NLGN4X: variants seen among roughly 807,000 people sequenced by gnomAD.
NLGN4X encodes the protein neuroligin-4, X-linked.
In NLGN4X, 3 loss-of-function variants were observed where a neutral mutation model predicts 40.3. The ratio of observed to expected loss-of-function variants is 0.07; its 90% CI spans 0.03 to 0.19. The LOEUF is 0.19. Among genes scored for constraint, NLGN4X ranks in the 10% least tolerant of loss-of-function variants. The pLI is 1.00. For missense variants in NLGN4X, 382 were observed against 708.3 expected (o/e 0.54, Z 5.23); for synonymous variants, 270 against 306.8 (o/e 0.88, Z 1.25).
intron 1 of NLGN4X, among the ~76,000 whole-genome samples, chrX:6,210,392 T>G (rs965260722): frequency 1.2e-4 from 13 of 110,477 alleles, no homozygotes; most frequent in African/African-American, 4.3e-4. Flanking sequence ...GAAGATTGCT[T>G]GAGCCCAGAA....
intron 2 of NLGN4X, among the ~76,000 whole-genome samples, chrX:6,047,064 T>C (rs1050832592): frequency 9.1e-6 from 1 of 109,950 alleles, no homozygotes; most frequent in Non-Finnish European, 1.9e-5. Context: ...TGTGTACACA[T>C]ATATACATAT....
chrX:6,214,310 A>C (rs994614378), intron 1 of NLGN4X, among the ~76,000 whole-genome samples: 10 of 111,254 alleles, frequency 9.0e-5, no homozygotes, highest in Non-Finnish European at 1.7e-4. Flanking sequence ...GATTTCACCA[A>C]GTCATCTCTC....
intron 1 of NLGN4X, among the ~76,000 whole-genome samples, chrX:6,209,346 T>C (rs56261118): frequency 0.29 from 31,941 of 110,885 alleles, 3,303 homozygotes; most frequent in Non-Finnish European, 0.3. Context: ...AATATATCCA[T>C]GTAACAAAAC....
At chrX:6,089,373 A>C (rs1373334534) in intron 2 of NLGN4X, among the ~76,000 whole-genome samples, 1 of 112,411 alleles carries the variant, frequency 8.9e-6, no homozygotes, top group African/African-American at 3.2e-5. Context: ...AAGAAGAAGA[A>C]GAACAGCACA....
At chrX:6,102,777 T>C (rs1047517818) in intron 2 of NLGN4X, among the ~76,000 whole-genome samples, 4 of 110,824 alleles carry the variant, frequency 3.6e-5, no homozygotes, top group Non-Finnish European at 7.6e-5. Context: ...CATACATAGA[T>C]ACATAGAGAT....
rs868489899 is a variant in NLGN4X, at chrX:6,034,717, T to G, written c.473-5285A>C. ...GAAATGGTGTCTCATCATAGGTTTT[T>G]TTTTTTTTTTTTTCAAAGTCTTGCT... On this transcript the variant is annotated intron_variant, in intron 2 of 5. Coordinates refer to ENST00000381095, the MANE Select transcript of NLGN4X (RefSeq NM_181332.3). Among the ~76,000 whole-genome samples, 993 of 104,215 alleles carry G rather than the reference T, an allele frequency of 9.5e-3. 5 individuals carry two copies. The highest frequency in any genetic ancestry group is 0.025 in the African/African-American group (728 of 28,789). 90.5% of individuals were successfully genotyped at this position (104,215 alleles called of 115,157 possible).
chrX:5,956,553 C>T (rs1432814160), intron 3 of NLGN4X, among the ~76,000 whole-genome samples: 1 of 111,701 alleles, frequency 9.0e-6, no homozygotes, highest in Non-Finnish European at 1.9e-5. Flanking sequence ...CTATCTCTCT[C>T]ATTGTGTTTC....
At position 5,948,029 on chromosome X, in the gene NLGN4X, T is replaced by C. The variant is rs372498649; in HGVS notation, c.626-38790A>G. On this transcript the variant is annotated intron_variant, in intron 3 of 5. Coordinates refer to ENST00000381095, the MANE Select transcript of NLGN4X (RefSeq NM_181332.3). Reference sequence around the variant, plus strand: ...AGACTGAAAAGAATTTAAAGGGTCATTGCCAACTTTCCAAAAAACGTTCAA... The same window carrying C: ...AGACTGAAAAGAATTTAAAGGGTCACTGCCAACTTTCCAAAAAACGTTCAA... Among the ~76,000 whole-genome samples the C allele has an allele frequency of 1.2e-4, 13 of 111,554 alleles. No homozygotes were observed. The East Asian group carries it at 2.0e-3, about 17-fold the overall frequency.
intron 3 of NLGN4X, among the ~76,000 whole-genome samples, chrX:5,978,324 CTT>C (rs2035268216): frequency 2.5e-5 from 2 of 79,120 alleles, no homozygotes; most frequent in African/African-American, 1.5e-4. Flanking sequence ...TTCTTTCTTT[CTT>C]TCTTTCTTTC....
intron 2 of NLGN4X, among the ~76,000 whole-genome samples, chrX:6,112,335 T>C (rs2039167782): frequency 9.0e-6 from 1 of 111,048 alleles, no homozygotes; most frequent in Non-Finnish European, 1.9e-5. Context: ...AAGCTATCCC[T>C]CAGGAATTTG....
At chrX:6,188,072 C>A (rs2147823105) in intron 1 of NLGN4X, among the ~76,000 whole-genome samples, 1 of 112,152 alleles carries the variant, frequency 8.9e-6, no homozygotes, top group Non-Finnish European at 1.9e-5. Context: ...ATGGGACAGG[C>A]ACTCTTGTGG....
rs930369898 is a variant in NLGN4X at position 6,032,717 on chromosome X, G to A, written c.473-3285C>T. ...TTCGTCTTCACCACGGTCATTACTC[G>A]TTATATCATCTGCGTTTTTCTTTGT... is the stretch of plus-strand genomic sequence containing the variant. On this transcript the variant is annotated intron_variant, in intron 2 of 5. Coordinates refer to ENST00000381095, the MANE Select transcript of NLGN4X (RefSeq NM_181332.3). The A allele has an allele frequency of 6.7e-6, 8 of 1,190,571 alleles. No homozygotes were observed. The African/African-American group carries it at 7.1e-5, about 11-fold the overall frequency.
At chrX:6,003,908 C>T (rs2036035915) in intron 3 of NLGN4X, among the ~76,000 whole-genome samples, 1 of 111,420 alleles carries the variant, frequency 9.0e-6, no homozygotes, top group Admixed American at 9.5e-5. Context: ...TTCATTCTTG[C>T]TGGTGCCCAA....
intron 2 of NLGN4X, among the ~76,000 whole-genome samples, chrX:6,051,218 T>G (rs758778193): frequency 8.9e-6 from 1 of 111,943 alleles, no homozygotes; most frequent in Non-Finnish European, 1.9e-5. Context: ...TGTATTAATG[T>G]CTATGATAAA....
intron 2 of NLGN4X, among the ~76,000 whole-genome samples, chrX:6,101,953 G>A (rs938507264): frequency 2.8e-5 from 3 of 109,013 alleles, no homozygotes; most frequent in African/African-American, 1.0e-4. Flanking sequence ...GGGACTACAG[G>A]TGCCCGCCAC....
chrX:5,956,983 GTGTT>G (rs1387006645), intron 3 of NLGN4X, among the ~76,000 whole-genome samples: 1 of 110,990 alleles, frequency 9.0e-6, no homozygotes. Context: ...GTGTGTGTGT[GTGTT>G]TGTGTGTGTT....
Position 5,929,419 on chromosome X carries a change from C to T in NLGN4X, c.626-20180G>A, listed in dbSNP as rs188525751. On this transcript the variant is annotated intron_variant, in intron 3 of 5. Coordinates refer to ENST00000381095, the MANE Select transcript of NLGN4X (RefSeq NM_181332.3). The stretch of plus-strand genomic sequence containing the variant: ...GAGGTGGAGGTTGCAGTGAGCGCCA[C>T]TGCAGTCCAGCCTGGACAACAGAGC... Among the ~76,000 whole-genome samples the T allele has an allele frequency of 7.2e-3, 808 of 111,805 alleles. 2 individuals are homozygous for T. Among genetic ancestry groups the T allele is most frequent in the Middle Eastern group, 0.014 (3 of 216 alleles).
intron 3 of NLGN4X, among the ~76,000 whole-genome samples, chrX:5,954,602 CTCT>C (rs1249883260): frequency 2.0e-5 from 2 of 100,928 alleles, no homozygotes; most frequent in Admixed American, 1.1e-4. Flanking sequence ...CAATCTCTGT[CTCT>C]GTCTCTGTCT....
At chrX:5,965,070 T>C (rs921439955) in intron 3 of NLGN4X, among the ~76,000 whole-genome samples, 2 of 111,692 alleles carry the variant, frequency 1.8e-5, no homozygotes, top group African/African-American at 6.5e-5. Flanking sequence ...GTAGTGAATA[T>C]ACATGCTAAG....
Sources: allele counts gnomAD v4.1 joint callset (sites outside exome capture counted in the v4.1 genomes callset), GRCh38; gene constraint gnomAD v4.1.1; transcripts MANE v1.5; gene names NCBI Gene and HGNC (gene_info 2026-07-23, HGNC 2026-07-21).